Variants in TAFA1 observed in about 807,000 individuals in gnomAD.
The protein encoded by TAFA1 is chemokine-like protein TAFA-1.
In TAFA1, 4 loss-of-function variants were observed where a neutral mutation model predicts 18.5. The ratio of observed to expected loss-of-function variants is 0.22; its 90% CI spans 0.11 to 0.49. The LOEUF is 0.49. Among genes scored for constraint, TAFA1 ranks in the 20% least tolerant of loss-of-function variants. The pLI is 0.98. For missense variants in TAFA1, 147 were observed against 169.0 expected (o/e 0.87, Z 0.72); for synonymous variants, 56 against 55.2 (o/e 1.01, Z -0.06).
At chr3:68,399,533 C>T (rs1195190274) in intron 2 of TAFA1, among the ~76,000 whole-genome samples, 1 of 152,058 alleles carries the variant, frequency 6.6e-6, no homozygotes, top group Non-Finnish European at 1.5e-5. Flanking sequence ...CTAATTGATT[C>T]CCTTTCCCAA....
chr3:68,177,304 G>A (rs1311146016), intron 2 of TAFA1, among the ~76,000 whole-genome samples: 1 of 152,180 alleles, frequency 6.6e-6, no homozygotes, highest in Admixed American at 6.5e-5. Flanking sequence ...GATCAGAGAA[G>A]TTTAGAACCA....
chr3:68,356,957 G>A (rs749580450), intron 2 of TAFA1, among the ~76,000 whole-genome samples: 2 of 151,864 alleles, frequency 1.3e-5, no homozygotes, highest in African/African-American at 2.4e-5. Flanking sequence ...CTAGTATCAC[G>A]TGTTTTACAG....
chr3:68,256,389 G>C (rs1404425091), intron 2 of TAFA1, among the ~76,000 whole-genome samples: 1 of 152,160 alleles, frequency 6.6e-6, no homozygotes, highest in South Asian at 2.1e-4. Flanking sequence ...CTGGCTGGGA[G>C]ACCAAGACCT....
At chr3:67,993,711 T>G in the TAFA1 span, among the ~76,000 whole-genome samples, 1 of 152,238 alleles carries the variant, frequency 6.6e-6, no homozygotes, top group Non-Finnish European at 1.5e-5. Context: ...AGTATACCAG[T>G]ACATCTTCTA....
At chr3:68,097,512 G>A (rs1385736186) in intron 2 of TAFA1, among the ~76,000 whole-genome samples, 2 of 152,074 alleles carry the variant, frequency 1.3e-5, no homozygotes, top group Non-Finnish European at 2.9e-5. Context: ...TATAATATGG[G>A]TTTGTATTCT....
intron 3 of TAFA1, among the ~76,000 whole-genome samples, chr3:68,527,633 T>A (rs749319405): frequency 2.0e-5 from 3 of 152,154 alleles, no homozygotes; most frequent in African/African-American, 4.8e-5. Context: ...TATCTTTTTA[T>A]GCATCACAAC....
chr3:68,299,052 A>G (rs374595441), intron 2 of TAFA1, among the ~76,000 whole-genome samples: 4 of 152,272 alleles, frequency 2.6e-5, no homozygotes, highest in East Asian at 3.9e-4. Context: ...AATGGTTTTG[A>G]CCAAAAATGC....
chr3:68,458,107 T>C (rs2071700036), intron 3 of TAFA1, among the ~76,000 whole-genome samples: 2 of 152,268 alleles, frequency 1.3e-5, no homozygotes, highest in South Asian at 2.1e-4. Context: ...CACTGGATCA[T>C]GGAGGTGGAT....
chr3:68,240,232 C>T (rs943825669), intron 2 of TAFA1, among the ~76,000 whole-genome samples: 2 of 152,184 alleles, frequency 1.3e-5, no homozygotes, highest in African/African-American at 2.4e-5. Flanking sequence ...ATGGTGTCCC[C>T]TTAGGAGACC....
chr3:68,067,861 G>A (rs944260573), intron 2 of TAFA1, among the ~76,000 whole-genome samples: 1 of 151,872 alleles, frequency 6.6e-6, no homozygotes, highest in African/African-American at 2.4e-5. Context: ...CTGTCCAGGA[G>A]TAGTAGAAAG....
chr3:68,414,150 CA>C (rs1337148769), intron 2 of TAFA1, among the ~76,000 whole-genome samples: 3 of 151,874 alleles, frequency 2.0e-5, no homozygotes, highest in Non-Finnish European at 4.4e-5. Flanking sequence ...ACTAACAATA[CA>C]AAAAAATTAG....
chr3:68,478,008 T>A (rs2072137022), intron 3 of TAFA1, among the ~76,000 whole-genome samples: 1 of 152,186 alleles, frequency 6.6e-6, no homozygotes, highest in South Asian at 2.1e-4. Context: ...GCCTGTGCTT[T>A]GTCCAGCAGA....
chr3:68,521,721 A>G (rs2073025087), intron 3 of TAFA1, among the ~76,000 whole-genome samples: 2 of 152,130 alleles, frequency 1.3e-5, no homozygotes, highest in South Asian at 4.1e-4. Flanking sequence ...AAACTAAATC[A>G]AGTAACAATG....
chr3:68,444,542 C>G (rs963067368), intron 3 of TAFA1, among the ~76,000 whole-genome samples: 3 of 152,046 alleles, frequency 2.0e-5, no homozygotes, highest in African/African-American at 7.2e-5. Context: ...GAATAGTTAA[C>G]CATTGTACTA....
intron 2 of TAFA1, among the ~76,000 whole-genome samples, chr3:68,021,601 C>A (rs1704691556): frequency 6.6e-6 from 1 of 152,092 alleles, no homozygotes; most frequent in East Asian, 1.9e-4. Context: ...CTGTATGTAC[C>A]CTGTATTTTC....
At chr3:68,071,089 G>T (rs1172827128) in intron 2 of TAFA1, among the ~76,000 whole-genome samples, 3 of 152,070 alleles carry the variant, frequency 2.0e-5, no homozygotes, top group African/African-American at 7.2e-5. Flanking sequence ...CATTCTCCTG[G>T]TCCCAATTTA....
At chr3:68,419,762 G>C (rs1161214713) in intron 3 of TAFA1, among the ~76,000 whole-genome samples, 3 of 152,172 alleles carry the variant, frequency 2.0e-5, no homozygotes, top group African/African-American at 7.2e-5. Context: ...TTGTGGGTCA[G>C]TAGGTGGTTA....
chr3:68,161,048 T>C (rs964900794), intron 2 of TAFA1, among the ~76,000 whole-genome samples: 2 of 152,236 alleles, frequency 1.3e-5, no homozygotes, highest in Admixed American at 6.5e-5. Context: ...TTAATTGCTT[T>C]TGTTTGAAAC....
chr3:68,379,132 G>C (rs895309866), intron 2 of TAFA1, among the ~76,000 whole-genome samples: 6 of 152,088 alleles, frequency 3.9e-5, no homozygotes, highest in Non-Finnish European at 5.9e-5. Context: ...CACCAACAGA[G>C]TATAAGCATT....
Sources: gnomAD v4.1 joint callset for allele counts (sites outside exome capture counted in the v4.1 genomes callset) on GRCh38, gnomAD v4.1.1 for gene constraint, MANE v1.5 for transcripts, NCBI Gene and HGNC (gene_info 2026-07-23, HGNC 2026-07-21) for gene names.